Variants in NTM observed in about 807,000 individuals in gnomAD.
The protein encoded by NTM is neurotrimin.
A neutral mutation model predicts 42.1 loss-of-function variants in NTM; 13 were observed. The observed-to-expected ratio is 0.31, with a 90% CI of 0.20 to 0.49. The LOEUF is 0.49. NTM is among the 20% of genes least tolerant of loss of function. The pLI is 0.99. For synonymous variants in NTM, 187 were observed against 179.2 expected (o/e 1.04, Z -0.35); for missense variants, 373 against 452.8 (o/e 0.82, Z 1.60).
chr11:131,704,839 A>G (rs541491006), intron 1 of NTM, among the ~76,000 whole-genome samples: 2 of 152,342 alleles, frequency 1.3e-5, no homozygotes, highest in South Asian at 4.1e-4. Flanking sequence ...GAAAAGTTCC[A>G]TAGAGAACTT....
intron 4 of NTM, among the ~76,000 whole-genome samples, chr11:132,298,866 A>C (rs974145574): frequency 5.3e-5 from 8 of 152,146 alleles, no homozygotes; most frequent in African/African-American, 1.9e-4. Flanking sequence ...TGTTTTGTTG[A>C]TATTGATAGA....
At chr11:131,516,281 T>G (rs1415406412) in intron 1 of NTM, among the ~76,000 whole-genome samples, 1 of 152,236 alleles carries the variant, frequency 6.6e-6, no homozygotes, top group African/African-American at 2.4e-5. Flanking sequence ...ATGCTTAGTT[T>G]ATTAATTCAG....
At chr11:131,871,557 C>T (rs2047785167) in intron 1 of NTM, among the ~76,000 whole-genome samples, 1 of 152,186 alleles carries the variant, frequency 6.6e-6, no homozygotes, top group African/African-American at 2.4e-5. Context: ...ATTGTTTATG[C>T]ATTGTTGCCT....
At chr11:131,754,218 C>T (rs2082990599) in intron 1 of NTM, among the ~76,000 whole-genome samples, 2 of 151,442 alleles carry the variant, frequency 1.3e-5, no homozygotes, top group Non-Finnish European at 2.9e-5. Flanking sequence ...ACCAACATGA[C>T]ACATGTATAC....
At chr11:131,885,393 G>A (rs972095430) in intron 1 of NTM, among the ~76,000 whole-genome samples, 11 of 152,178 alleles carry the variant, frequency 7.2e-5, no homozygotes, top group African/African-American at 2.7e-4. Context: ...GGCAGGTGGG[G>A]GCCCCGTGGA....
rs116509889 is a variant in NTM at position 132,217,538 on chromosome 11, C to T, written c.526+5391C>T. 9.6e-3 allele frequency among the ~76,000 whole-genome samples: 1,458 copies of T among 152,040 alleles called. 15 individuals are homozygous for T. The highest frequency in any genetic ancestry group is 0.033 in the African/African-American group (1,365 of 41,458). On this transcript the variant is annotated intron_variant, in intron 4 of 8. Transcript: ENST00000683400. ...TCTTCCCTAGGGTGATATAAAGACCCTGGGGGCAGAATTAGAGCAGAGCCT... is the reference window on the plus strand; with the variant it reads ...TCTTCCCTAGGGTGATATAAAGACCTTGGGGGCAGAATTAGAGCAGAGCCT...
chr11:131,598,707 C>A (rs1244579825), intron 1 of NTM, among the ~76,000 whole-genome samples: 1 of 79,712 alleles, frequency 1.3e-5, no homozygotes, highest in Non-Finnish European at 2.7e-5. Context: ...TTCTTTCTTT[C>A]TTTCTTTCTT....
intron 4 of NTM, among the ~76,000 whole-genome samples, chr11:132,262,293 T>C (rs576680537): frequency 6.6e-6 from 1 of 152,240 alleles, no homozygotes; most frequent in Admixed American, 6.5e-5. Flanking sequence ...TTCTCCCCAC[T>C]GCCTCAGGTT....
intron 2 of NTM, among the ~76,000 whole-genome samples, chr11:131,923,893 C>A (rs372695510): frequency 6.6e-6 from 1 of 152,184 alleles, no homozygotes; most frequent in East Asian, 1.9e-4. Flanking sequence ...GGGTATATGA[C>A]CTTTGGCACA....
intron 1 of NTM, among the ~76,000 whole-genome samples, chr11:131,722,410 C>CAT (rs1312436022): frequency 9.8e-5 from 15 of 152,320 alleles, no homozygotes; most frequent in Middle Eastern, 3.4e-3. Flanking sequence ...AGACTGCTTT[C>CAT]ATATGAACTC....
chr11:131,624,678 A>C (rs2062930649), intron 1 of NTM, among the ~76,000 whole-genome samples: 1 of 152,208 alleles, frequency 6.6e-6, no homozygotes, highest in Non-Finnish European at 1.5e-5. Flanking sequence ...CATTTAACAA[A>C]TGATTGTTTT....
intron 4 of NTM, among the ~76,000 whole-genome samples, chr11:132,270,523 C>G (rs1199800925): frequency 6.6e-6 from 1 of 152,146 alleles, no homozygotes; most frequent in Non-Finnish European, 1.5e-5. Flanking sequence ...GTCACTGTGC[C>G]TGGTCAGAGA....
chr11:131,513,196 G>C (rs1216647018), intron 1 of NTM, among the ~76,000 whole-genome samples: 1 of 152,224 alleles, frequency 6.6e-6, no homozygotes, highest in Non-Finnish European at 1.5e-5. Context: ...AAAGTGCAAA[G>C]TGAGATCAAT....
At chr11:131,674,913 C>A (rs377611461) in intron 1 of NTM, among the ~76,000 whole-genome samples, 3 of 152,202 alleles carry the variant, frequency 2.0e-5, no homozygotes, top group African/African-American at 4.8e-5. Flanking sequence ...TCATCTGGAT[C>A]TTCATACAGC....
At chr11:131,569,107 A>G (rs75715873) in intron 1 of NTM, among the ~76,000 whole-genome samples, 1 of 151,354 alleles carries the variant, frequency 6.6e-6, no homozygotes, top group East Asian at 1.9e-4. Context: ...GCAACCCCTA[A>G]TCTGCTTTCT....
chr11:131,788,807 C>G (rs920572902), intron 1 of NTM, among the ~76,000 whole-genome samples: 6 of 152,152 alleles, frequency 3.9e-5, no homozygotes, highest in Non-Finnish European at 4.4e-5. Flanking sequence ...TTCTAGGCAG[C>G]ATTTAGACTT....
At chr11:132,043,958 A>ATGTGTGTGTGTGTGTGTGTGTGTG (rs71067353) in intron 2 of NTM, among the ~76,000 whole-genome samples, 3 of 146,246 alleles carry the variant, frequency 2.1e-5, no homozygotes, top group Non-Finnish European at 3.0e-5. Flanking sequence ...GACACCAACT[A>ATGTGTGTGTGTGTGTGTGTGTGTG]TGTGTGTGTG....
chr11:131,751,324 C>T (rs749494727), intron 1 of NTM, among the ~76,000 whole-genome samples: 16 of 152,002 alleles, frequency 1.1e-4, no homozygotes, highest in African/African-American at 2.6e-4. Context: ...CGGTGGCTCA[C>T]GCCACCGTGT....
intron 1 of NTM, among the ~76,000 whole-genome samples, chr11:131,906,048 C>T (rs1386451701): frequency 6.6e-6 from 1 of 152,152 alleles, no homozygotes; most frequent in East Asian, 1.9e-4. Context: ...AAACCACTGA[C>T]AAACCCAATA....
Sources: gnomAD v4.1 joint callset for allele counts (sites outside exome capture counted in the v4.1 genomes callset) on GRCh38, gnomAD v4.1.1 for gene constraint, MANE v1.5 for transcripts, NCBI Gene and HGNC (gene_info 2026-07-23, HGNC 2026-07-21) for gene names.